FXYD6: variants seen among roughly 807,000 people sequenced by gnomAD.
FXYD6 encodes FXYD domain-containing ion transport regulator 6.
FXYD6 carries 7 observed loss-of-function variants against 16.7 expected under a neutral mutation model. That is an observed-to-expected ratio of 0.42 (90% CI 0.24 to 0.79). The LOEUF is 0.79. Ranked by LOEUF, FXYD6 falls within the 30% of genes least tolerant of loss-of-function variation. FXYD6 has a pLI of 0.28. For missense variants in FXYD6, 111 were observed against 116.2 expected, an observed-to-expected ratio of 0.95 and a Z score of 0.21; for synonymous variants, 49 against 43.0, an observed-to-expected ratio of 1.14 and a Z score of -0.54.
chr11:117,852,514 T>C (rs1323912084), intron 1 of FXYD6, among the ~76,000 whole-genome samples: 2 of 152,238 alleles, frequency 1.3e-5, no homozygotes, highest in African/African-American at 2.4e-5. Flanking sequence ...TATATCATCA[T>C]TCCTTTATAG....
chr11:117,857,063 A>G (rs1373535399), intron 1 of FXYD6, among the ~76,000 whole-genome samples: 3 of 152,214 alleles, frequency 2.0e-5, no homozygotes, highest in African/African-American at 7.2e-5. Context: ...GAGGCCCTGC[A>G]GGAATGGGGT....
At chr11:117,865,353 C>T (rs1391656193) in intron 1 of FXYD6, among the ~76,000 whole-genome samples, 1 of 152,182 alleles carries the variant, frequency 6.6e-6, no homozygotes, top group African/African-American at 2.4e-5. Context: ...TCCAGCAATT[C>T]CACCTCTGGA....
At chr11:117,876,335 C>T (rs2057264711) in intron 1 of FXYD6, among the ~76,000 whole-genome samples, 1 of 152,164 alleles carries the variant, frequency 6.6e-6, no homozygotes, top group Non-Finnish European at 1.5e-5. Flanking sequence ...TCCCAGCCAC[C>T]AGCGTCACCC....
chr11:117,873,537 G>C (rs1039633959), intron 1 of FXYD6, among the ~76,000 whole-genome samples: 10 of 152,364 alleles, frequency 6.6e-5, no homozygotes, highest in African/African-American at 2.4e-4. Flanking sequence ...GGAGAGCTGG[G>C]GCTAGAACCC....
At position 117,842,570 on chromosome 11, in the gene FXYD6, C is replaced by T. The variant is rs1298129292; in HGVS notation, c.58+149G>A. 4 of 790,330 alleles carry T rather than the reference C, an allele frequency of 5.1e-6. No homozygotes were observed. The Admixed American group carries it at 1.1e-4, about 21-fold the overall frequency. The allele number at this position is 790,330 out of a possible 1,614,324, so 49.0% of individuals were successfully genotyped here. A position where few individuals can be genotyped will look rare whatever the true frequency, so the allele number is the denominator to read the frequency against. On this transcript the variant is annotated intron_variant, in intron 2 of 7. Transcript: ENST00000526014. Reference sequence around the variant, plus strand: ...ATAGCTGCCACCTCCACGACTTTCTCTGCTGACTGAAGGGAGAGGCCCCTG... The same window carrying T: ...ATAGCTGCCACCTCCACGACTTTCTTTGCTGACTGAAGGGAGAGGCCCCTG...
chr11:117,876,532 C>G (rs554969295), intron 1 of FXYD6, 60 bp downstream of exon 1: 4 of 152,718 alleles, frequency 2.6e-5, no homozygotes, highest in South Asian at 2.1e-4. Context: ...TCGGTCCCCA[C>G]CGAGCCTCGC....
intron 1 of FXYD6, among the ~76,000 whole-genome samples, chr11:117,861,603 C>T (rs2056908700): frequency 1.3e-5 from 2 of 152,242 alleles, no homozygotes; most frequent in Non-Finnish European, 2.9e-5. Context: ...TGAAGCATCA[C>T]CTGTTAGTAT....
chr11:117,842,693 C>T lies in FXYD6; in HGVS notation c.58+26G>A, dbSNP rs764943711. 2.6e-6 allele frequency: 4 copies of T among 1,555,880 alleles called. No homozygotes were observed. In the South Asian group the frequency reaches 3.6e-5, roughly 14 times the overall value. ...GCTGGACAGGGTTGTCATCTTGTCA[C>T]AGCCAGGTCCCAGAGGGGTACTTAC... On this transcript the variant is annotated intron_variant, in intron 2 of 7. Transcript: ENST00000526014.
chr11:117,842,172 G>A (rs473057), intron 2 of FXYD6, 144 bp from the exon 3 acceptor site: 636,489 of 1,271,574 alleles, frequency 0.5, 163,503 homozygotes, highest in Non-Finnish European at 0.53. Flanking sequence ...AGAGGTGCAC[G>A]GTAGGGCGGG....
At chr11:117,859,656 C>A (rs117188723) in intron 1 of FXYD6, among the ~76,000 whole-genome samples, 2 of 152,084 alleles carry the variant, frequency 1.3e-5, no homozygotes, top group African/African-American at 2.4e-5. Flanking sequence ...ACTAAGGAGG[C>A]CTTAAAAAGC....
At chr11:117,841,314 G>T in intron 4 of FXYD6, 130 bp from the exon 5 acceptor site, 1 of 1,171,392 alleles carries the variant, frequency 8.5e-7, no homozygotes, top group Non-Finnish European at 1.2e-6. Context: ...TTGCACAGCT[G>T]CACACAGTGG....
chr11:117,870,138 A>C lies in FXYD6; in HGVS notation c.-6+6454T>G, dbSNP rs992749930. On this transcript the variant is annotated intron_variant, in intron 1 of 7. Transcript: ENST00000526014. This position sits in a 1 kb window ranked among gnomAD's most constrained non-coding sequence, Gnocchi z 4.2. ...CTCAGAAGCAGAAACACAGAACAGTACTGCGAGGCCAACTCAGGCACAGGC... is the reference window on the plus strand; with the variant it reads ...CTCAGAAGCAGAAACACAGAACAGTCCTGCGAGGCCAACTCAGGCACAGGC... Among the ~76,000 whole-genome samples, 9 of 152,266 alleles carry C rather than the reference A, an allele frequency of 5.9e-5. No individual in the cohort carries two copies. Among genetic ancestry groups the C allele is most frequent in the Admixed American group, 2.0e-4 (3 of 15,292 alleles).
chr11:117,851,070 G>A (rs955425358), intron 1 of FXYD6, among the ~76,000 whole-genome samples: 1 of 151,962 alleles, frequency 6.6e-6, no homozygotes, highest in Non-Finnish European at 1.5e-5. Flanking sequence ...ACTAATATTC[G>A]TACTTCATGA....
chr11:117,868,628 C>T (rs188515691), intron 1 of FXYD6, among the ~76,000 whole-genome samples: 62 of 152,068 alleles, frequency 4.1e-4, no homozygotes, highest in Admixed American at 2.7e-3. Context: ...TACAAACGAA[C>T]GACATTTTAA....
At chr11:117,876,843 C>G (rs901166577), upstream of FXYD6, 1 of 152,328 alleles carries the variant, frequency 6.6e-6, no homozygotes, top group Non-Finnish European at 1.5e-5. Context: ...CGCGCGCAGA[C>G]CCCCTCTCCT....
rs577342985 is a variant in FXYD6 at position 117,841,150 on chromosome 11, G to T, written c.207C>A (p.Pro69=). 6.2e-7 allele frequency: 1 copy of T among 1,614,016 alleles called. No individual in the cohort carries two copies. Among genetic ancestry groups the T allele is most frequent in the South Asian group, 1.1e-5 (1 of 91,076 alleles). Residue 69 remains proline, a splice_region_variant and synonymous_variant, in exon 5 of 8, where the codon CCC becomes CCA. Coordinates refer to ENST00000526014, the MANE Select transcript of FXYD6 (RefSeq NM_022003.4). ...RRCKCSFNQK[P]RAPGDEEAQV... ...GGCCACTGCCACGGCATCCTTACCG[G>T]GGCTTCTGATTGAAACTGCACTTGC... is the stretch of plus-strand genomic sequence containing the variant.
intron 1 of FXYD6, among the ~76,000 whole-genome samples, chr11:117,861,878 T>A (rs2056914563): frequency 6.6e-6 from 1 of 152,170 alleles, no homozygotes; most frequent in African/African-American, 2.4e-5. Flanking sequence ...GCCACTGCCT[T>A]TTCCTGCCTC....
At chr11:117,840,133 G>A (rs2056304532) in intron 6 of FXYD6, 186 bp downstream of exon 6, 3 of 714,394 alleles carry the variant, frequency 4.2e-6, no homozygotes, top group Non-Finnish European at 4.7e-6. Context: ...AATAGCAGGT[G>A]ACACTAGTAG....
intron 1 of FXYD6, among the ~76,000 whole-genome samples, chr11:117,849,048 A>G (rs2056543733): frequency 6.6e-6 from 1 of 152,132 alleles, no homozygotes; most frequent in South Asian, 2.1e-4. Flanking sequence ...CTAGTTCATT[A>G]ATATTTAGCT....
Sources: gnomAD v4.1 joint callset for allele counts (sites outside exome capture counted in the v4.1 genomes callset) on GRCh38, gnomAD v4.1.1 for gene constraint, Gnocchi (gnomAD v3.1) non-coding constraint, MANE v1.5 for transcripts, NCBI Gene and HGNC (gene_info 2026-07-23, HGNC 2026-07-21) for gene names.